SFXN2: variants seen among roughly 807,000 people sequenced by gnomAD.
SFXN2 encodes sideroflexin-2.
Under a neutral mutation model 41.9 loss-of-function variants are expected in SFXN2, and 37 were observed. The ratio of observed to expected loss-of-function variants is 0.88; its 90% CI spans 0.68 to 1.16. The LOEUF (loss-of-function observed/expected upper bound fraction) is 1.16. Ranked by LOEUF, SFXN2 falls within the 50% of genes most tolerant of loss-of-function variation. SFXN2 has a pLI of 0.00. For missense variants in SFXN2, 386 were observed against 425.2 expected, an observed-to-expected ratio of 0.91 and a Z score of 0.81; for synonymous variants, 150 against 156.7, an observed-to-expected ratio of 0.96 and a Z score of 0.32.
chr10:102,733,695 C>G, intron 10 of SFXN2, 92 bp downstream of exon 10: 1 of 1,042,044 alleles, frequency 9.6e-7, no homozygotes, highest in Non-Finnish European at 1.5e-6. Flanking sequence ...AACGTGTACT[C>G]CTTTACCTGA....
chr10:102,729,631 A>T, intron 5 of SFXN2, 92 bp from the exon 6 acceptor site: 1 of 1,348,898 alleles, frequency 7.4e-7, no homozygotes, highest in Non-Finnish European at 1.0e-6. Flanking sequence ...AGCAAGGCCT[A>T]GTTTTCTTTT....
rs1476455861 is a variant in SFXN2, at chr10:102,741,830, TCTC to T, written c.*4072_*4074del. On this transcript the variant is annotated 3_prime_UTR_variant, in exon 12 of 12. Transcript: ENST00000369893. ...CCTTCCCTAGTACTCAATTTTTACT[TCTC>T]CTCTAAGGAGCTTGACTTGTGGAAT... 1.3e-5 allele frequency: 2 copies of T among 152,258 alleles called. No homozygotes were observed. The highest frequency in any genetic ancestry group is 2.4e-5 in the African/African-American group (1 of 41,470). 9.4% of individuals were successfully genotyped at this position (152,258 alleles called of 1,614,324 possible).
At chr10:102,718,851 C>T (rs1252748874) in intron 1 of SFXN2, among the ~76,000 whole-genome samples, 1 of 151,282 alleles carries the variant, frequency 6.6e-6, no homozygotes, top group Non-Finnish European at 1.5e-5. Context: ...CTGTGCCTGT[C>T]TCCACCTCCT....
chr10:102,729,024 T>C (rs2064656129), intron 4 of SFXN2, among the ~76,000 whole-genome samples: 2 of 152,124 alleles, frequency 1.3e-5, no homozygotes, highest in African/African-American at 4.8e-5. Flanking sequence ...TCAACTGTCC[T>C]GAAGGATGAG....
chr10:102,723,498 C>T lies in SFXN2; in HGVS notation c.-25-3114C>T, dbSNP rs559692557. On this transcript the variant is annotated intron_variant, in intron 1 of 11. Transcript: ENST00000369893. ...AACTCCCGACCTCAGGTGATCCAAC[C>T]GCCTCGGCCTCCCAAAGTGTTGGGA... Among the ~76,000 whole-genome samples, 7 of 152,140 alleles carry T rather than the reference C, an allele frequency of 4.6e-5. No homozygotes were observed. The South Asian group carries it at 1.2e-3, about 27-fold the overall frequency.
chr10:102,733,642 T>G (rs2064734766), intron 10 of SFXN2, 39 bp downstream of exon 10: 1 of 1,576,182 alleles, frequency 6.3e-7, no homozygotes, highest in South Asian at 1.1e-5. Context: ...TCTGCGTGGC[T>G]GGAGCACTCA....
rs1240788323 is a variant in SFXN2, at chr10:102,739,947, T to A, written c.*2185T>A. On this transcript the variant is annotated 3_prime_UTR_variant, in exon 12 of 12. Transcript: ENST00000369893. ...CATCAGAATTAGCTGGCAGGCTTGT[T>A]AAAGCACAGATTGCAGGATCCATTG... is the stretch of plus-strand genomic sequence containing the variant. The A allele has an allele frequency of 6.6e-6, 1 of 152,060 alleles. No homozygotes were observed. The highest frequency in any genetic ancestry group is 6.6e-5 in the Admixed American group (1 of 15,256). 9.4% of individuals were successfully genotyped at this position (152,060 alleles called of 1,614,324 possible).
At position 102,727,164 on chromosome 10, in the gene SFXN2, C is replaced by A. The variant is rs201445462; in HGVS notation, c.332+7C>A. The A allele has an allele frequency of 7.8e-5, 124 of 1,590,822 alleles. No individual in the cohort carries two copies. The highest frequency in any genetic ancestry group is 9.7e-5 in the Non-Finnish European group (112 of 1,160,556). On this transcript the variant is annotated splice_region_variant and intron_variant, in intron 3 of 11. Coordinates refer to ENST00000369893, the MANE Select transcript of SFXN2 (RefSeq NM_178858.6). ...TCATGCTCCAGTTCTACAGGTGGGA[C>A]CTGGGGGCAGGGCCGTGGGAGGTAC...
intron 1 of SFXN2, chr10:102,715,405 G>C (rs1426956963): frequency 6.6e-6 from 1 of 152,250 alleles, no homozygotes; most frequent in Admixed American, 6.5e-5. Context: ...TGTAGTCCTG[G>C]AGGAGGCAAA....
chr10:102,732,092 G>A, intron 7 of SFXN2, 60 bp from the exon 8 acceptor site: 1 of 1,502,584 alleles, frequency 6.7e-7, no homozygotes, highest in South Asian at 1.2e-5. Context: ...CCAGCCCCCT[G>A]GTGCAGCACA....
In SFXN2 at chr10:102,743,382, G is replaced by A. The variant is rs947108238; in HGVS notation, c.*5620G>A. 5 of 152,238 alleles carry A rather than the reference G, an allele frequency of 3.3e-5. No individual in the cohort carries two copies. Among genetic ancestry groups the A allele is most frequent in the African/African-American group, 1.2e-4 (5 of 41,450 alleles). The allele number at this position is 152,238 out of a possible 1,614,324, so 9.4% of individuals were successfully genotyped here. On this transcript the variant is annotated 3_prime_UTR_variant, in exon 12 of 12. Coordinates refer to ENST00000369893, the MANE Select transcript of SFXN2 (RefSeq NM_178858.6). Reference sequence around the variant, plus strand: ...CTCAGATAAAGGTACTATCTTCTAGGGAATTCAAACGGACCTAAGCTGCTA... The same window carrying A: ...CTCAGATAAAGGTACTATCTTCTAGAGAATTCAAACGGACCTAAGCTGCTA...
Position 102,726,670 on chromosome 10 carries a change from G to GC in SFXN2, c.40dup (p.Arg14ProfsTer27), listed in dbSNP as rs2064598147. 2 of 1,614,182 alleles carry GC rather than the reference G, an allele frequency of 1.2e-6. No individual in the cohort carries two copies. Among genetic ancestry groups the GC allele is most frequent in the Non-Finnish European group, 1.7e-6 (2 of 1,180,030 alleles). On this transcript the variant is annotated frameshift_variant, in exon 2 of 12. Coordinates refer to ENST00000369893, the MANE Select transcript of SFXN2 (RefSeq NM_178858.6). LOFTEE classifies it high-confidence loss of function. ...TGACCTGTCTGGCTTTAACATCGAT[G>GC]CCCCCCGTTGGGACCAGCGCACCTT...
At chr10:102,717,068 C>T (rs958975375) in intron 1 of SFXN2, among the ~76,000 whole-genome samples, 2 of 151,088 alleles carry the variant, frequency 1.3e-5, no homozygotes, top group African/African-American at 4.9e-5. Context: ...TCAGTTTCCT[C>T]TTCTGTAAAC....
rs201696785 is a variant in SFXN2, at chr10:102,726,991, G to A, written c.166G>A (p.Gly56Arg). The part of the protein sequence containing the change: ...AKVMVEKSRM[G>R]VVPPGTQVEQ... ...CCTGCTGTCCTTGGGTGGCAGGATG[G>A]GGGTTGTGCCCCCAGGCACCCAAGT... Residue 56 changes from glycine to arginine, a missense_variant, in exon 3 of 12, where the codon GGG becomes AGG. Transcript: ENST00000369893. 12 of 1,596,620 alleles carry A rather than the reference G, an allele frequency of 7.5e-6. No homozygotes were observed. In the African/African-American group the frequency reaches 1.6e-4, roughly 21 times the overall value.
Position 102,727,011 on chromosome 10 carries a change from C to A in SFXN2, c.186C>A (p.Thr62=). 1 of 1,602,316 alleles carries A rather than the reference C, an allele frequency of 6.2e-7. No homozygotes were observed. The highest frequency in any genetic ancestry group is 8.5e-7 in the Non-Finnish European group (1 of 1,170,624). ...KSRMGVVPPG[T]QVEQLLYAKK... ...GGATGGGGGTTGTGCCCCCAGGCAC[C>A]CAAGTGGAGCAGCTGCTGTATGCCA... Residue 62 remains threonine, a synonymous_variant, in exon 3 of 12, where the codon ACC becomes ACA. Transcript: ENST00000369893.
chr10:102,737,496 G>T (rs575910094), intron 11 of SFXN2, among the ~76,000 whole-genome samples, 167 bp from the exon 12 acceptor site: 1 of 152,174 alleles, frequency 6.6e-6, no homozygotes, highest in Admixed American at 6.6e-5. Context: ...AGCCCAAGGA[G>T]AATGAAGTCA....
chr10:102,729,538 C>T, intron 5 of SFXN2, 144 bp downstream of exon 5: 1 of 1,122,008 alleles, frequency 8.9e-7, no homozygotes, highest in Non-Finnish European at 1.3e-6. Context: ...GAGAAATACA[C>T]CAGGGCCGTC....
In SFXN2 at chr10:102,732,175, C is replaced by T. The variant is rs139737561; in HGVS notation, c.678C>T (p.Thr226=). The T allele has an allele frequency of 1.7e-4, 271 of 1,614,020 alleles. No individual in the cohort carries two copies. The African/African-American group carries it at 3.1e-3, about 19-fold the overall frequency. Residue 226 remains threonine (T), a synonymous_variant, in exon 8 of 12, where the codon ACC becomes ACT. Coordinates refer to ENST00000369893, the MANE Select transcript of SFXN2 (RefSeq NM_178858.6). ...HSRRAAAIGI[T]QVVISRITMS... ...AGAGAGCTGCGGCCATAGGCATCAC[C>T]CAAGTAGTTATTTCTCGGATCACCA...
chr10:102,734,859 G>A lies in SFXN2; in HGVS notation c.822-1003G>A, dbSNP rs958749588. Among the ~76,000 whole-genome samples, 9 of 152,122 alleles carry A rather than the reference G, an allele frequency of 5.9e-5. No homozygotes were observed. The highest frequency in any genetic ancestry group is 3.9e-4 in the Admixed American group (6 of 15,264). ...ACCCTGGTCCATGCCAGCATCGTTG[G>A]CATCCTCTGATAACTTGTTAGAAGT... is the stretch of plus-strand genomic sequence containing the variant. On this transcript the variant is annotated intron_variant, in intron 10 of 11. Transcript: ENST00000369893. The surrounding 1 kb of genome is among the most constrained non-coding windows in gnomAD (Gnocchi z 4.1).
Sources: allele counts gnomAD v4.1 joint callset (sites outside exome capture counted in the v4.1 genomes callset), GRCh38; gene constraint gnomAD v4.1.1; non-coding constraint Gnocchi (gnomAD v3.1); transcripts MANE v1.5; gene names NCBI Gene and HGNC (gene_info 2026-07-23, HGNC 2026-07-21).